The following GNE variants were observed in gnomAD, a reference collection of about 807,000 sequenced individuals.
GNE encodes the protein bifunctional UDP-N-acetylglucosamine 2-epimerase/N-acetylmannosamine kinase.
GNE carries 41 observed loss-of-function variants against 61.8 expected under a neutral mutation model. The ratio of observed to expected loss-of-function variants is 0.66; its 90% CI spans 0.52 to 0.86. The LOEUF (loss-of-function observed/expected upper bound fraction) is 0.86. Among genes scored for constraint, GNE ranks in the 40% least tolerant of loss-of-function variants. GNE has a pLI of 0.00. For missense variants in GNE, 608 were observed against 909.1 expected (o/e 0.67, Z 4.26); for synonymous variants, 264 against 326.4 (o/e 0.81, Z 2.06).
At chr9:36,250,740 G>A (rs1466089901) in intron 1 of GNE, among the ~76,000 whole-genome samples, 1 of 152,190 alleles carries the variant, frequency 6.6e-6, no homozygotes, top group Admixed American at 6.5e-5. Flanking sequence ...GAGTGCAGTG[G>A]CACGAGCTTG....
intron 1 of GNE, among the ~76,000 whole-genome samples, chr9:36,273,844 G>A (rs1316087875): frequency 6.6e-6 from 1 of 151,870 alleles, no homozygotes; most frequent in East Asian, 1.9e-4. Context: ...TCACCATCTT[G>A]GCCAGGCTGG....
At chr9:36,233,679 AG>A (rs1829273742) in intron 5 of GNE, among the ~76,000 whole-genome samples, 2 of 147,162 alleles carry the variant, frequency 1.4e-5, no homozygotes, top group Admixed American at 1.4e-4. Flanking sequence ...AAAAAAAAAA[AG>A]AAAGAACCAC....
intron 10 of GNE, 106 bp downstream of exon 10, chr9:36,219,732 A>C (rs1389068292): frequency 1.9e-6 from 2 of 1,038,740 alleles, no homozygotes; most frequent in East Asian, 4.8e-5. Context: ...TAAGAAGTGA[A>C]AAGGGGGAAA....
In GNE at chr9:36,269,693, G is replaced by A. The variant is rs543426551; in HGVS notation, c.51+7201C>T. ...TTTTTTTTTTTTGAGACGGAGTCTCGCTCTGTCGCCCAGGCTGGAGTGCAG... is the reference window on the plus strand; with the variant it reads ...TTTTTTTTTTTTGAGACGGAGTCTCACTCTGTCGCCCAGGCTGGAGTGCAG... On this transcript the variant is annotated intron_variant, in intron 1 of 11. Transcript: ENST00000396594. Among the ~76,000 whole-genome samples, 92 of 122,168 alleles carry A rather than the reference G, an allele frequency of 7.5e-4. 1 individual carries two copies. The highest frequency in any genetic ancestry group is 2.0e-3 in the South Asian group (8 of 4,102). The allele number at this position is 122,168 out of a possible 152,430, so 80.1% of individuals were successfully genotyped here.
At chr9:36,273,280 G>A (rs559859853) in intron 1 of GNE, among the ~76,000 whole-genome samples, 6 of 148,906 alleles carry the variant, frequency 4.0e-5, no homozygotes, top group South Asian at 2.2e-4. Context: ...GCAGTGGTGC[G>A]ATCTCGGCTC....
intron 1 of GNE, among the ~76,000 whole-genome samples, chr9:36,258,076 T>TC (rs766629092): frequency 6.6e-6 from 1 of 151,672 alleles, no homozygotes; most frequent in Non-Finnish European, 1.5e-5. Context: ...TCCCTCTACA[T>TC]CCCCTCCCCT....
At chr9:36,232,782 C>G (rs1307224737) in intron 5 of GNE, among the ~76,000 whole-genome samples, 2 of 152,224 alleles carry the variant, frequency 1.3e-5, no homozygotes, top group Non-Finnish European at 2.9e-5. Flanking sequence ...TATCATCTAT[C>G]TCCTCTCCCA....
intron 5 of GNE, among the ~76,000 whole-genome samples, chr9:36,233,070 T>C (rs984936004): frequency 2.0e-5 from 3 of 152,256 alleles, no homozygotes; most frequent in Admixed American, 6.5e-5. Context: ...TCCTTGGTTC[T>C]AGTCCAGTTC....
intron 10 of GNE, among the ~76,000 whole-genome samples, chr9:36,219,417 C>T (rs1359887366): frequency 6.8e-6 from 1 of 147,444 alleles, no homozygotes; most frequent in Non-Finnish European, 1.5e-5. Flanking sequence ...CATATGCTCA[C>T]AAATTGGTTT....
upstream of GNE, among the ~76,000 whole-genome samples, chr9:36,261,935 A>G (rs1389966754): frequency 6.6e-6 from 1 of 151,922 alleles, no homozygotes; most frequent in East Asian, 1.9e-4. Flanking sequence ...AAAAAAAAAA[A>G]AAAGAAAGTC....
At chr9:36,235,769 G>A (rs138227560) in intron 4 of GNE, among the ~76,000 whole-genome samples, 258 of 152,272 alleles carry the variant, frequency 1.7e-3, no homozygotes, top group Admixed American at 2.7e-3. Context: ...GGAATACTAA[G>A]ACAGGGGTTC....
chr9:36,220,105 G>A, intron 9 of GNE, 85 bp from the exon 10 acceptor site: 1 of 1,126,600 alleles, frequency 8.9e-7, no homozygotes, highest in Non-Finnish European at 1.3e-6. Flanking sequence ...ATTTAGCAGA[G>A]CTTTGGCATG....
At chr9:36,262,062 A>G (rs1830634151), upstream of GNE, among the ~76,000 whole-genome samples, 1 of 152,196 alleles carries the variant, frequency 6.6e-6, no homozygotes, top group Non-Finnish European at 1.5e-5. Flanking sequence ...TTCAAAAACA[A>G]TTTAAAATCT....
Position 36,253,301 on chromosome 9 carries a change from A to G in GNE, c.-42-3904T>C, listed in dbSNP as rs1830190384. 1.0e-4 allele frequency among the ~76,000 whole-genome samples: 15 copies of G among 150,276 alleles called. No individual in the cohort carries two copies. In the South Asian group the frequency reaches 3.2e-3, roughly 32 times the overall value. ...TTACTTTTTTTTTTTTTTAAAATAC[A>G]GTCTCCCTCTGTTGCCCAGGCTAGA... On this transcript the variant is annotated intron_variant, in intron 1 of 11. Coordinates refer to ENST00000642385, the MANE Select transcript of GNE (RefSeq NM_005476.7).
intron 3 of GNE, among the ~76,000 whole-genome samples, chr9:36,243,879 T>C (rs1829751480): frequency 6.6e-6 from 1 of 152,098 alleles, no homozygotes; most frequent in Non-Finnish European, 1.5e-5. Context: ...TAATGTAATC[T>C]AGATTAAAAA....
chr9:36,231,741 A>G (rs540404195), intron 5 of GNE, among the ~76,000 whole-genome samples: 1 of 152,152 alleles, frequency 6.6e-6, no homozygotes, highest in Non-Finnish European at 1.5e-5. Context: ...AGCCACTATT[A>G]TTTAGGGTCT....
At chr9:36,270,883 C>T (rs4878650) in intron 1 of GNE, among the ~76,000 whole-genome samples, 93,889 of 152,036 alleles carry the variant, frequency 0.62, 30,607 homozygotes, top group Non-Finnish European at 0.74. Context: ...GGCCCCATCT[C>T]TTAATAATAA....
rs16933089 is a variant in GNE, at chr9:36,217,291, C to T, written c.*74G>A. On this transcript the variant is annotated 3_prime_UTR_variant, in exon 12 of 12. Transcript: ENST00000642385. ...AATACCAGATTTGATTGTTAAGAAA[C>T]GGTCATCCTAAAGACAAGAACTTGA... is the stretch of plus-strand genomic sequence containing the variant. The T allele has an allele frequency of 3.4e-3, 3,334 of 972,302 alleles. 63 individuals are homozygous for T. The African/African-American group carries it at 0.041, about 12-fold the overall frequency. 60.2% of individuals were successfully genotyped at this position (972,302 alleles called of 1,614,324 possible).
intron 3 of GNE, among the ~76,000 whole-genome samples, chr9:36,245,481 T>C (rs2133109429): frequency 6.6e-6 from 1 of 151,902 alleles, no homozygotes; most frequent in East Asian, 1.9e-4. Context: ...GGTCAGGAGT[T>C]CGAGACCAGC....
Sources: allele counts gnomAD v4.1 joint callset (sites outside exome capture counted in the v4.1 genomes callset), GRCh38; gene constraint gnomAD v4.1.1; transcripts MANE v1.5; gene names NCBI Gene and HGNC (gene_info 2026-07-23, HGNC 2026-07-21).